CYP4A11: variants seen among roughly 807,000 people sequenced by gnomAD.
The protein encoded by CYP4A11 is cytochrome P450 4A11.
In CYP4A11, 52 loss-of-function variants were observed where a neutral mutation model predicts 57.7. The ratio of observed to expected loss-of-function variants is 0.90; its 90% CI spans 0.72 to 1.14. The LOEUF (loss-of-function observed/expected upper bound fraction) is 1.14. Ranked by LOEUF, CYP4A11 falls within the 50% of genes most tolerant of loss-of-function variation. The pLI, the probability that CYP4A11 is intolerant of heterozygous loss-of-function variation, is 0.00. For synonymous variants in CYP4A11, 228 were observed against 247.1 expected (o/e 0.92, Z 0.72); for missense variants, 641 against 642.1 (o/e 1.00, Z 0.02).
In CYP4A11 at chr1:46,933,040, C is replaced by G. The variant is rs777439629; in HGVS notation, c.1230G>C (p.Met410Ile). ...GAAGGCCATAAATGGAGAGGAGGAC[C>G]ATGATACCTGTGGTGCAGGTTGGAA... ...PDGRSLPKGI[M>I]VLLSIYGLHH... The change falls in exon 10 of 12, where the codon ATG becomes ATC. Residue 410 changes from methionine (M) to isoleucine (I), a missense_variant. By Grantham distance (10) the Met-to-Ile change is conservative (BLOSUM62 1). Coordinates refer to ENST00000310638, the MANE Select transcript of CYP4A11 (RefSeq NM_000778.4). 1.9e-6 allele frequency: 3 copies of G among 1,614,140 alleles called. No homozygotes were observed. The highest frequency in any genetic ancestry group is 1.1e-5 in the South Asian group (1 of 91,070).
rs375553969 is a variant in CYP4A11, at chr1:46,930,340, A to G, written c.1365-30T>C. 2.5e-6 allele frequency: 4 copies of G among 1,593,394 alleles called. No homozygotes were observed. In the African/African-American group the frequency reaches 5.4e-5, roughly 21 times the overall value. On this transcript the variant is annotated intron_variant, in intron 11 of 11. Transcript: ENST00000310638. ...GCCAGGTGGAGATAATGAATTGAGAAGTGTCCTCAGGCCCCATTCTGATCT... is the reference window on the plus strand; with the variant it reads ...GCCAGGTGGAGATAATGAATTGAGAGGTGTCCTCAGGCCCCATTCTGATCT...
intron 3 of CYP4A11, among the ~76,000 whole-genome samples, 170 bp from the exon 4 acceptor site, chr1:46,936,961 G>C (rs965352077): frequency 2.0e-5 from 3 of 152,094 alleles, no homozygotes; most frequent in Non-Finnish European, 4.4e-5. Context: ...GGAAAAGGAG[G>C]TATATTTCAG....
At position 46,937,804 on chromosome 1, in the gene CYP4A11, A is replaced by G. The variant is rs536669451; in HGVS notation, c.337+192T>C. On this transcript the variant is annotated intron_variant, in intron 2 of 11. Transcript: ENST00000310638. ...AAAAGAATAGAAAATTCAGCCCCAC[A>G]TATTGTTTTAAACATTCGGAGTTCA... Among the ~76,000 whole-genome samples the G allele has an allele frequency of 2.6e-5, 4 of 152,358 alleles. No individual in the cohort carries two copies. The South Asian group carries it at 8.3e-4, about 32-fold the overall frequency.
At position 46,930,161 on chromosome 1, in the gene CYP4A11, C is replaced by T. The variant is rs144175060; in HGVS notation, c.1514G>A (p.Arg505His). Reference protein sequence around the residue: ...VLKSKNGIHLRLRRLPNPCED... With the variant: ...VLKSKNGIHLHLRRLPNPCED... ...ACAAGGGTTAGGGAGCCTCCTGAGA[C>T]GCAGGTGGATTCCATTTTTGGATTT... The change falls in exon 12 of 12, where the codon CGT becomes CAT. Residue 505 changes from arginine (R) to histidine (H), a missense_variant. By Grantham distance (29) the Arg-to-His change is conservative (BLOSUM62 0). Transcript: ENST00000310638. The T allele has an allele frequency of 2.8e-3, 4,527 of 1,613,952 alleles. 20 individuals are homozygous for T. Among genetic ancestry groups the T allele is most frequent in the Admixed American group, 7.5e-3 (451 of 60,002 alleles).
chr1:46,932,732 T>G, intron 11 of CYP4A11, 29 bp downstream of exon 11: 1 of 1,614,180 alleles, frequency 6.2e-7, no homozygotes, highest in Non-Finnish European at 8.5e-7. Context: ...CTCATTCCTC[T>G]ATTCGAATTA....
rs1681423697 is a variant in CYP4A11, at chr1:46,936,767, C to T, written c.407G>A (p.Gly136Glu). ...CCGTCGATGCTGGAACCATGTCTGC[C>T]CATTCAACAGGAGCAAGCCGTACCC... is the stretch of plus-strand genomic sequence containing the variant. ...WIGYGLLLLN[G>E]QTWFQHRRML... is the part of the protein sequence containing the mutation. Residue 136 changes from glycine (G) to glutamate (E), a missense_variant, in exon 4 of 12, where the codon GGG becomes GAG. Physicochemically the swap from Gly to Glu is moderately conservative, Grantham distance 98. Transcript: ENST00000310638. 6.2e-7 allele frequency: 1 copy of T among 1,613,368 alleles called. No individual in the cohort carries two copies. The highest frequency in any genetic ancestry group is 1.1e-5 in the South Asian group (1 of 90,976).
chr1:46,940,111 G>A (rs1322493762), intron 1 of CYP4A11, among the ~76,000 whole-genome samples: 3 of 146,678 alleles, frequency 2.0e-5, no homozygotes, highest in East Asian at 4.1e-4. Flanking sequence ...CAGTGCACAG[G>A]GGATGGGCTG....
intron 1 of CYP4A11, 88 bp from the exon 2 acceptor site, chr1:46,938,225 G>A: frequency 6.5e-7 from 1 of 1,544,072 alleles, no homozygotes; most frequent in Non-Finnish European, 8.9e-7. Context: ...CAGGAGCCAT[G>A]TAGCGCAGGT....
At chr1:46,940,120 T>C (rs1437828618) in intron 1 of CYP4A11, among the ~76,000 whole-genome samples, 1 of 145,910 alleles carries the variant, frequency 6.9e-6, no homozygotes, top group Admixed American at 6.8e-5. Flanking sequence ...GGGGATGGGC[T>C]GTGTCCCTCC....
At chr1:46,939,988 C>T (rs1293360953) in intron 1 of CYP4A11, among the ~76,000 whole-genome samples, 1 of 151,510 alleles carries the variant, frequency 6.6e-6, no homozygotes, top group Admixed American at 6.6e-5. Flanking sequence ...CAGTTCCCTG[C>T]AACCCCTATC....
At chr1:46,935,383 G>A in intron 5 of CYP4A11, 140 bp downstream of exon 5, 1 of 1,506,180 alleles carries the variant, frequency 6.6e-7, no homozygotes, top group Non-Finnish European at 8.9e-7. Flanking sequence ...TGTTTGGTCT[G>A]GACTGGAATT....
chr1:46,935,181 G>C, intron 5 of CYP4A11, 27 bp from the exon 6 acceptor site: 1 of 1,604,908 alleles, frequency 6.2e-7, no homozygotes, highest in Non-Finnish European at 8.5e-7. Flanking sequence ...AGAAGGGACT[G>C]CAGTAGGGGT....
Position 46,938,286 on chromosome 1 carries a change from C to G in CYP4A11, c.196-149G>C, listed in dbSNP as rs747917190. 1,024 of 1,217,256 alleles carry G rather than the reference C, an allele frequency of 8.4e-4. 1 individual carries two copies. Among genetic ancestry groups the G allele is most frequent in the Non-Finnish European group, 1.0e-3 (869 of 870,958 alleles). 75.4% of individuals were successfully genotyped at this position (1,217,256 alleles called of 1,614,324 possible). Reference sequence around the variant, plus strand: ...ACCTGAGCTGTGATCCAGATTCTTGCTCTCTCCCCAGGACTTGACCTTAGG... The same window carrying G: ...ACCTGAGCTGTGATCCAGATTCTTGGTCTCTCCCCAGGACTTGACCTTAGG... On this transcript the variant is annotated intron_variant, in intron 1 of 11. Coordinates refer to ENST00000310638, the MANE Select transcript of CYP4A11 (RefSeq NM_000778.4).
At chr1:46,930,736 A>C (rs963805048) in intron 11 of CYP4A11, among the ~76,000 whole-genome samples, 3 of 152,292 alleles carry the variant, frequency 2.0e-5, no homozygotes, top group Non-Finnish European at 4.4e-5. Context: ...GGTGCTTCCC[A>C]TGTAGTGGGA....
chr1:46,941,106 G>C, intron 1 of CYP4A11, 133 bp downstream of exon 1: 1 of 1,431,804 alleles, frequency 7.0e-7, no homozygotes, highest in Non-Finnish European at 9.2e-7. Context: ...TGAGACCAGA[G>C]AGGTAGGCTG....
chr1:46,929,989 C>G lies in CYP4A11; in HGVS notation c.*126G>C. On this transcript the variant is annotated 3_prime_UTR_variant, in exon 12 of 12. Transcript: ENST00000310638. ...TGGAGAAAGGTGAGAGAGAGAAGGG[C>G]AGGCAGACTGGGGGACAGCAGGCAG... is the stretch of plus-strand genomic sequence containing the variant. 1 of 1,240,490 alleles carries G rather than the reference C, an allele frequency of 8.1e-7. No individual in the cohort carries two copies. Among genetic ancestry groups the G allele is most frequent in the Non-Finnish European group, 1.1e-6 (1 of 906,544 alleles). The allele number at this position is 1,240,490 out of a possible 1,614,324, so 76.8% of individuals were successfully genotyped here.
intron 11 of CYP4A11, 132 bp downstream of exon 11, chr1:46,932,629 T>C (rs1474162520): frequency 6.3e-7 from 1 of 1,578,696 alleles, no homozygotes; most frequent in Non-Finnish European, 8.6e-7. Context: ...GGTGCCTGAC[T>C]TTCCCACAAA....
intron 3 of CYP4A11, 23 bp downstream of exon 3, chr1:46,937,279 G>A (rs746932406): frequency 1.9e-6 from 3 of 1,612,634 alleles, no homozygotes; most frequent in South Asian, 2.2e-5. Context: ...GGAGTGGGCT[G>A]CAGTCCTAGT....
chr1:46,929,945 G>A lies in CYP4A11; in HGVS notation c.*170C>T, dbSNP rs59465754. 4.9e-5 allele frequency: 46 copies of A among 941,386 alleles called. No homozygotes were observed. In the African/African-American group the frequency reaches 6.7e-4, roughly 14 times the overall value. 58.3% of individuals were successfully genotyped at this position (941,386 alleles called of 1,614,324 possible). A position where few individuals can be genotyped will look rare whatever the true frequency, so the allele number is the denominator to read the frequency against. On this transcript the variant is annotated 3_prime_UTR_variant, in exon 12 of 12. Transcript: ENST00000310638. ...GATACAGGTGGGTAGGAGACAGGTA[G>A]ACAAGCAGGTAGGGAGCCTGGAGAA...
Sources: allele counts gnomAD v4.1 joint callset (sites outside exome capture counted in the v4.1 genomes callset), GRCh38; gene constraint gnomAD v4.1.1; transcripts MANE v1.5; gene names NCBI Gene and HGNC (gene_info 2026-07-23, HGNC 2026-07-21).